Variants in EFR3B observed in about 807,000 individuals in gnomAD.
EFR3B encodes EFR3 homolog B.
A neutral mutation model predicts 104.7 loss-of-function variants in EFR3B; 64 were observed. The ratio of observed to expected loss-of-function variants is 0.61; its 90% CI spans 0.50 to 0.75. EFR3B has a LOEUF of 0.75. EFR3B is among the 30% of genes least tolerant of loss of function. EFR3B has a pLI of 0.00. For synonymous variants in EFR3B, 385 were observed against 417.9 expected (o/e 0.92, Z 0.96); for missense variants, 750 against 1,078.5 (o/e 0.70, Z 4.27).
chr2:25,089,264 C>T (rs551669237), intron 1 of EFR3B, among the ~76,000 whole-genome samples: 12 of 152,300 alleles, frequency 7.9e-5, no homozygotes, highest in African/African-American at 2.9e-4. Flanking sequence ...CCTTGGGGCA[C>T]TGTGTGGAAG....
intron 1 of EFR3B, among the ~76,000 whole-genome samples, chr2:25,050,719 G>T (rs1024571014): frequency 6.6e-6 from 1 of 152,116 alleles, no homozygotes; most frequent in Non-Finnish European, 1.5e-5. Flanking sequence ...ATATAAGCAG[G>T]CCATGTTGCA....
intron 1 of EFR3B, among the ~76,000 whole-genome samples, chr2:25,074,208 G>T (rs768761831): frequency 6.6e-6 from 1 of 152,188 alleles, no homozygotes; most frequent in African/African-American, 2.4e-5. Flanking sequence ...GGATGCTCTT[G>T]TGCCTCCATG....
intron 1 of EFR3B, among the ~76,000 whole-genome samples, chr2:25,056,161 G>C (rs193178526): frequency 6.6e-6 from 1 of 152,170 alleles, no homozygotes; most frequent in African/African-American, 2.4e-5. Context: ...TCATCTCAGC[G>C]TGTCTTTTCA....
At chr2:25,048,956 G>A (rs1263623898) in intron 1 of EFR3B, among the ~76,000 whole-genome samples, 1 of 152,158 alleles carries the variant, frequency 6.6e-6, no homozygotes, top group African/African-American at 2.4e-5. Flanking sequence ...ACAAAGACTA[G>A]TTACATATTG....
intron 1 of EFR3B, among the ~76,000 whole-genome samples, chr2:25,088,714 T>C (rs1415627303): frequency 2.0e-5 from 3 of 152,066 alleles, no homozygotes; most frequent in Admixed American, 6.5e-5. Flanking sequence ...CACCCATGCA[T>C]AGAGAATGTT....
chr2:25,145,314 G>A (rs1008860503), intron 19 of EFR3B: 12 of 533,812 alleles, frequency 2.2e-5, no homozygotes, highest in African/African-American at 1.3e-4. Flanking sequence ...GCTCACACCT[G>A]TGATCCCAAC....
intron 3 of EFR3B, among the ~76,000 whole-genome samples, chr2:25,100,881 A>G (rs1157888529): frequency 1.3e-5 from 2 of 152,244 alleles, no homozygotes; most frequent in African/African-American, 4.8e-5. Context: ...TGCAATGGGC[A>G]CATGAGTCCA....
In EFR3B at chr2:25,136,192, C is replaced by A. The variant is rs1012928840; in HGVS notation, c.1485-331C>A. Reference sequence around the variant, plus strand: ...AATTAGCCGAGTGTGGTGGCTCACACCTGTGGTCCCAGCTCTTTGGGAGGC... The same window carrying A: ...AATTAGCCGAGTGTGGTGGCTCACAACTGTGGTCCCAGCTCTTTGGGAGGC... On this transcript the variant is annotated intron_variant, in intron 13 of 22. Transcript: ENST00000403714. The surrounding 1 kb of genome is among the most constrained non-coding windows in gnomAD (Gnocchi z 4.0). Among the ~76,000 whole-genome samples, 15 of 152,068 alleles carry A rather than the reference C, an allele frequency of 9.9e-5. No individual in the cohort carries two copies. Among genetic ancestry groups the A allele is most frequent in the Non-Finnish European group, 2.1e-4 (14 of 68,016 alleles).
intron 1 of EFR3B, among the ~76,000 whole-genome samples, chr2:25,053,749 A>G (rs2149165289): frequency 1.3e-5 from 2 of 152,304 alleles, no homozygotes; most frequent in East Asian, 1.9e-4. Flanking sequence ...TCTACTAAAA[A>G]TACAAAAATT....
At position 25,154,136 on chromosome 2, in the gene EFR3B, A is replaced by G; in HGVS notation, c.2349-99A>G. 8.9e-7 allele frequency: 1 copy of G among 1,123,722 alleles called. No homozygotes were observed. Among genetic ancestry groups the G allele is most frequent in the East Asian group, 2.6e-5 (1 of 38,862 alleles). The allele number at this position is 1,123,722 out of a possible 1,614,324, so 69.6% of individuals were successfully genotyped here. The stretch of plus-strand genomic sequence containing the variant: ...ATGAAGGGGTCTCTGGTGCCTGTGC[A>G]AAAAGAAACCCAAGTCACCTACTCT... On this transcript the variant is annotated intron_variant, in intron 22 of 22. Coordinates refer to ENST00000403714, the MANE Select transcript of EFR3B (RefSeq NM_014971.2). The surrounding 1 kb of genome is among the most constrained non-coding windows in gnomAD (Gnocchi z 4.1).
intron 4 of EFR3B, among the ~76,000 whole-genome samples, chr2:25,120,384 G>T (rs1229031819): frequency 6.6e-6 from 1 of 152,034 alleles, no homozygotes; most frequent in Non-Finnish European, 1.5e-5. Flanking sequence ...AGTGGCTCAT[G>T]CCTGTAATCC....
At chr2:25,074,962 C>T (rs999054039) in intron 1 of EFR3B, among the ~76,000 whole-genome samples, 9 of 152,130 alleles carry the variant, frequency 5.9e-5, no homozygotes, top group African/African-American at 2.2e-4. Flanking sequence ...AATATGGATT[C>T]ATGGGCAGTT....
Position 25,077,362 on chromosome 2 carries a change from A to C in EFR3B, c.8-13963A>C, listed in dbSNP as rs10171430. Among the ~76,000 whole-genome samples, 441 of 152,216 alleles carry C rather than the reference A, an allele frequency of 2.9e-3. 1 individual carries two copies. Among genetic ancestry groups the C allele is most frequent in the African/African-American group, 0.01 (427 of 41,524 alleles). On this transcript the variant is annotated intron_variant, in intron 1 of 22. Coordinates refer to ENST00000403714, the MANE Select transcript of EFR3B (RefSeq NM_014971.2). Reference sequence around the variant, plus strand: ...GAGTGCGATGGCACGATCTCAGCTCATTGCAACCTCTGTCTCCTAGGTTGA... The same window carrying C: ...GAGTGCGATGGCACGATCTCAGCTCCTTGCAACCTCTGTCTCCTAGGTTGA...
At chr2:25,143,891 C>T in intron 18 of EFR3B, 29 bp downstream of exon 18, 3 of 1,546,734 alleles carry the variant, frequency 1.9e-6, no homozygotes, top group Non-Finnish European at 2.6e-6. Context: ...GATGCCCGGG[C>T]CTGCCTCTGT....
In EFR3B at chr2:25,137,274, C is replaced by G; in HGVS notation, c.1561-67C>G. The G allele has an allele frequency of 7.9e-6, 12 of 1,521,606 alleles. No homozygotes were observed. The highest frequency in any genetic ancestry group is 9.8e-6 in the Non-Finnish European group (11 of 1,126,738). 94.3% of individuals were successfully genotyped at this position (1,521,606 alleles called of 1,614,324 possible). Reference sequence around the variant, plus strand: ...GCCCCCCTTCAGATTGGTCTTCCTCCGTGTTCTCCTTGCCCCTCCTGTCCC... The same window carrying G: ...GCCCCCCTTCAGATTGGTCTTCCTCGGTGTTCTCCTTGCCCCTCCTGTCCC... On this transcript the variant is annotated intron_variant, in intron 14 of 22. Coordinates refer to ENST00000403714, the MANE Select transcript of EFR3B (RefSeq NM_014971.2). The surrounding 1 kb of genome is among the most constrained non-coding windows in gnomAD (Gnocchi z 4.7).
At chr2:25,117,354 A>G (rs1380972435) in intron 4 of EFR3B, among the ~76,000 whole-genome samples, 1 of 151,580 alleles carries the variant, frequency 6.6e-6, no homozygotes. Flanking sequence ...GCTGTCTGGA[A>G]GTGTTTGAAA....
chr2:25,136,444 G>A lies in EFR3B; in HGVS notation c.1485-79G>A. ...GCTTTGTACCAACTAACAATGTTGG[G>A]GATAAAGCTCAGTGACCCCGTGTGA... On this transcript the variant is annotated intron_variant, in intron 13 of 22. Coordinates refer to ENST00000403714, the MANE Select transcript of EFR3B (RefSeq NM_014971.2). This position sits in a 1 kb window ranked among gnomAD's most constrained non-coding sequence, Gnocchi z 4.0. The A allele has an allele frequency of 8.5e-7, 1 of 1,178,662 alleles. No individual in the cohort carries two copies. The highest frequency in any genetic ancestry group is 1.2e-6 in the Non-Finnish European group (1 of 817,224). The allele number at this position is 1,178,662 out of a possible 1,614,324, so 73.0% of individuals were successfully genotyped here. A position where few individuals can be genotyped will look rare whatever the true frequency, so the allele number is the denominator to read the frequency against.
At chr2:25,091,304 T>C in intron 1 of EFR3B, 21 bp from the exon 2 acceptor site, 3 of 1,547,966 alleles carry the variant, frequency 1.9e-6, no homozygotes, top group Non-Finnish European at 2.6e-6. Flanking sequence ...TTGCTCACAG[T>C]TTTTCCCATT....
intron 4 of EFR3B, among the ~76,000 whole-genome samples, chr2:25,112,080 C>T (rs974071391): frequency 1.3e-5 from 2 of 152,266 alleles, no homozygotes; most frequent in African/African-American, 4.8e-5. Flanking sequence ...ACCCTCTTCT[C>T]ACTGGATATG....
Sources: allele counts gnomAD v4.1 joint callset (sites outside exome capture counted in the v4.1 genomes callset), GRCh38; gene constraint gnomAD v4.1.1; non-coding constraint Gnocchi (gnomAD v3.1); transcripts MANE v1.5; gene names NCBI Gene and HGNC (gene_info 2026-07-23, HGNC 2026-07-21).